The following CELF2 variants were observed in gnomAD, a reference collection of about 807,000 sequenced individuals.
The protein encoded by CELF2 is CUG triplet repeat RNA-binding protein 2.
A neutral mutation model predicts 62.6 loss-of-function variants in CELF2; 8 were observed. The observed-to-expected ratio is 0.13, with a 90% CI of 0.07 to 0.23. The LOEUF (loss-of-function observed/expected upper bound fraction) is 0.23. Among genes scored for constraint, CELF2 ranks in the 10% least tolerant of loss-of-function variants. CELF2 has a pLI of 1.00. For synonymous variants in CELF2, 258 were observed against 250.0 expected (o/e 1.03, Z -0.30); for missense variants, 333 against 671.0 (o/e 0.50, Z 5.56).
chr10:10,829,308 G>A (rs1388190510), intron 1 of CELF2, among the ~76,000 whole-genome samples: 1 of 152,186 alleles, frequency 6.6e-6, no homozygotes, highest in African/African-American at 2.4e-5. Context: ...AGTAAAAACA[G>A]AATAGCTTAA....
At chr10:10,488,229 A>G in the CELF2 span, among the ~76,000 whole-genome samples, 4 of 152,124 alleles carry the variant, frequency 2.6e-5, no homozygotes, top group African/African-American at 9.7e-5. Flanking sequence ...CCCAATCCTT[A>G]TTTGGAAATC....
intron 2 of CELF2, among the ~76,000 whole-genome samples, chr10:10,999,926 A>C (rs1592909447): frequency 6.6e-6 from 1 of 152,250 alleles, no homozygotes; most frequent in East Asian, 1.9e-4. Context: ...GAGCAGGAAG[A>C]AAGGGAGTTG....
At chr10:10,616,295 G>GTGTGT in the CELF2 span, among the ~76,000 whole-genome samples, 5 of 143,958 alleles carry the variant, frequency 3.5e-5, no homozygotes, top group African/African-American at 1.3e-4. Flanking sequence ...TTTTGTTTGG[G>GTGTGT]GTGTGTGTGT....
At chr10:10,518,689 C>A in the CELF2 span, among the ~76,000 whole-genome samples, 1 of 150,656 alleles carries the variant, frequency 6.6e-6, no homozygotes, top group African/African-American at 2.4e-5. Flanking sequence ...TGGTGGACAT[C>A]AGAGTAGATA....
At chr10:10,679,443 C>T in the CELF2 span, among the ~76,000 whole-genome samples, 2 of 152,152 alleles carry the variant, frequency 1.3e-5, no homozygotes, top group African/African-American at 2.4e-5. Context: ...GCACCCTCCA[C>T]CATGCCCGGC....
chr10:10,802,246 C>T (rs879870179), intron 1 of CELF2, among the ~76,000 whole-genome samples: 10 of 152,130 alleles, frequency 6.6e-5, no homozygotes, highest in East Asian at 5.8e-4. Flanking sequence ...CCGAGGCAGG[C>T]GGATCATGAG....
rs530340081 is a variant in CELF2 at position 11,077,344 on chromosome 10, A to C, written c.74+59181A>C. 2.0e-5 allele frequency among the ~76,000 whole-genome samples: 3 copies of C among 152,310 alleles called. No individual in the cohort carries two copies. The South Asian group carries it at 6.2e-4, about 32-fold the overall frequency. On this transcript the variant is annotated intron_variant, in intron 1 of 12. Coordinates refer to ENST00000633077, the MANE Select transcript of CELF2 (RefSeq NM_001326342.2). ...TTCTCTCTTAAAGCCAAGTACAGGG[A>C]AAGTAAGGAAACACGACTCTGGAAA... is the stretch of plus-strand genomic sequence containing the variant.
rs1378588461 is a variant in CELF2, at chr10:11,234,574, C to A, written c.355-14579C>A. ...GCGGGCACCTGTAGTCCCAGCTAAT[C>A]GGGAGGTTGAGGCAGGAGAATGGCG... is the stretch of plus-strand genomic sequence containing the variant. On this transcript the variant is annotated intron_variant, in intron 3 of 12. Coordinates refer to ENST00000633077, the MANE Select transcript of CELF2 (RefSeq NM_001326342.2). 3.3e-5 allele frequency among the ~76,000 whole-genome samples: 4 copies of A among 122,486 alleles called. No individual in the cohort carries two copies. In the Admixed American group the frequency reaches 3.7e-4, roughly 11 times the overall value. 80.4% of individuals were successfully genotyped at this position (122,486 alleles called of 152,430 possible). A position where few individuals can be genotyped will look rare whatever the true frequency, so the allele number is the denominator to read the frequency against.
chr10:11,107,128 G>A (rs1323873646), intron 1 of CELF2, among the ~76,000 whole-genome samples: 2 of 152,222 alleles, frequency 1.3e-5, no homozygotes, highest in African/African-American at 4.8e-5. Flanking sequence ...GGCTCAGGAG[G>A]CTGCCTACCT....
chr10:10,651,385 T>A, the CELF2 span, among the ~76,000 whole-genome samples: 5 of 147,430 alleles, frequency 3.4e-5, no homozygotes, highest in South Asian at 2.3e-4. Context: ...CAAGGAGGCC[T>A]GCCTGCCTCT....
chr10:10,931,870 CAGA>C lies in CELF2; in HGVS notation c.89+11874_89+11876del, dbSNP rs1185475510. Among the ~76,000 whole-genome samples, 2 of 152,122 alleles carry C rather than the reference CAGA, an allele frequency of 1.3e-5. No individual in the cohort carries two copies. Among genetic ancestry groups the C allele is most frequent in the African/African-American group, 4.8e-5 (2 of 41,412 alleles). On this transcript the variant is annotated intron_variant, in intron 2 of 13. Transcript: ENST00000636488. This position sits in a 1 kb window ranked among gnomAD's most constrained non-coding sequence, Gnocchi z 6.1. ...GGCTAGGGAGGCCTCACAACCATGG[CAGA>C]AGGTGAATGAGGATCAAAGTCATGT...
chr10:10,620,629 G>T, the CELF2 span, among the ~76,000 whole-genome samples: 1,262 of 152,196 alleles, frequency 8.3e-3, 6 homozygotes, highest in South Asian at 0.037. Context: ...GAGGCAGGGC[G>T]TGGTGGCTCA....
intron 2 of CELF2, chr10:10,923,188 T>C (rs1564825168): frequency 6.6e-6 from 1 of 152,218 alleles, no homozygotes; most frequent in Non-Finnish European, 1.5e-5. Context: ...TTCGAGTTTT[T>C]TCTGCACTTA....
chr10:11,193,890 T>C (rs948760303), intron 2 of CELF2, among the ~76,000 whole-genome samples: 2 of 152,116 alleles, frequency 1.3e-5, no homozygotes, highest in African/African-American at 4.8e-5. Flanking sequence ...GGAAAGAGGC[T>C]GGGGAGGTCC....
chr10:10,728,506 G>A, the CELF2 span, among the ~76,000 whole-genome samples: 3 of 151,630 alleles, frequency 2.0e-5, no homozygotes, highest in Admixed American at 6.6e-5. Flanking sequence ...AAAGAAACAG[G>A]GGCAGGAAAG....
the CELF2 span, among the ~76,000 whole-genome samples, chr10:10,646,300 C>T: frequency 2.0e-5 from 3 of 152,148 alleles, no homozygotes; most frequent in African/African-American, 7.2e-5. Flanking sequence ...AGTAAACATC[C>T]ATGAACAAAG....
intron 2 of CELF2, among the ~76,000 whole-genome samples, chr10:11,192,439 C>T (rs1565200996): frequency 1.3e-5 from 2 of 152,198 alleles, no homozygotes; most frequent in Non-Finnish European, 2.9e-5. Context: ...GCTGCCCAGC[C>T]CTGCCACCCT....
intron 2 of CELF2, among the ~76,000 whole-genome samples, chr10:11,198,142 T>G (rs1327493494): frequency 1.3e-5 from 2 of 152,262 alleles, no homozygotes; most frequent in African/African-American, 4.8e-5. Context: ...TATTATCTGC[T>G]GTTCTAAGAC....
At chr10:10,833,443 G>A (rs1564690064) in intron 1 of CELF2, among the ~76,000 whole-genome samples, 1 of 152,164 alleles carries the variant, frequency 6.6e-6, no homozygotes, top group Non-Finnish European at 1.5e-5. Flanking sequence ...ATCTCCTTGG[G>A]TCAGGGTGAG....
Sources: allele counts gnomAD v4.1 joint callset (sites outside exome capture counted in the v4.1 genomes callset), GRCh38; gene constraint gnomAD v4.1.1; non-coding constraint Gnocchi (gnomAD v3.1); transcripts MANE v1.5; gene names NCBI Gene and HGNC (gene_info 2026-07-23, HGNC 2026-07-21).